Variants in LRRTM3 observed in about 807,000 individuals in gnomAD.
The protein encoded by LRRTM3 is leucine-rich repeat transmembrane neuronal protein 3.
LRRTM3 carries 24 observed loss-of-function variants against 44.7 expected under a neutral mutation model. The ratio of observed to expected loss-of-function variants is 0.54; its 90% CI spans 0.39 to 0.76. The LOEUF (loss-of-function observed/expected upper bound fraction) is 0.76. LRRTM3 is among the 30% of genes least tolerant of loss of function. LRRTM3 has a pLI of 0.00. For missense variants in LRRTM3, 587 were observed against 702.2 expected (o/e 0.84, Z 1.85); for synonymous variants, 277 against 278.7 (o/e 0.99, Z 0.06).
chr10:66,998,262 C>A (rs1213125781), intron 2 of LRRTM3, among the ~76,000 whole-genome samples: 5 of 152,090 alleles, frequency 3.3e-5, no homozygotes, highest in South Asian at 2.1e-4. Flanking sequence ...TAAGTGCCTC[C>A]TTACTCTATG....
chr10:67,004,556 T>C (rs1276411879), intron 2 of LRRTM3, among the ~76,000 whole-genome samples: 14 of 152,180 alleles, frequency 9.2e-5, no homozygotes, highest in Admixed American at 6.5e-4. Context: ...GCTTTTTTTT[T>C]CAGTGGAAAC....
intron 2 of LRRTM3, among the ~76,000 whole-genome samples, chr10:67,015,038 T>A (rs970744869): frequency 7.9e-5 from 12 of 152,094 alleles, no homozygotes; most frequent in Non-Finnish European, 2.9e-5. Flanking sequence ...ACAAGGGCAC[T>A]CCAAAGTTGA....
intron 2 of LRRTM3, among the ~76,000 whole-genome samples, chr10:67,034,069 G>C (rs907174023): frequency 6.6e-6 from 1 of 152,114 alleles, no homozygotes; most frequent in Non-Finnish European, 1.5e-5. Context: ...ACCGCGCCCG[G>C]CCTATACTGC....
intron 2 of LRRTM3, among the ~76,000 whole-genome samples, chr10:67,078,391 A>G (rs1259181972): frequency 6.6e-6 from 1 of 152,208 alleles, no homozygotes; most frequent in Non-Finnish European, 1.5e-5. Flanking sequence ...GGAAATGAGA[A>G]AGAAAATGAT....
intron 2 of LRRTM3, among the ~76,000 whole-genome samples, chr10:66,957,441 TGC>T (rs1317720443): frequency 1.5e-4 from 17 of 111,472 alleles, no homozygotes; most frequent in African/African-American, 4.7e-4. Flanking sequence ...TATATATATA[TGC>T]ATATATATAT....
intron 2 of LRRTM3, among the ~76,000 whole-genome samples, chr10:66,998,992 C>T (rs1027237927): frequency 6.6e-6 from 1 of 152,084 alleles, no homozygotes; most frequent in Non-Finnish European, 1.5e-5. Flanking sequence ...TCACTCAGAA[C>T]TTCTGTGCAT....
In LRRTM3 at chr10:66,926,453, A is replaced by C. The variant is rs1847078719; in HGVS notation, c.-131A>C. 1 of 989,936 alleles carries C rather than the reference A, an allele frequency of 1.0e-6. No individual in the cohort carries two copies. The highest frequency in any genetic ancestry group is 1.6e-6 in the Non-Finnish European group (1 of 637,640). The allele number at this position is 989,936 out of a possible 1,614,324, so 61.3% of individuals were successfully genotyped here. A position where few individuals can be genotyped will look rare whatever the true frequency, so the allele number is the denominator to read the frequency against. On this transcript the variant is annotated 5_prime_UTR_variant, in exon 1 of 3. Transcript: ENST00000361320. ...TGTTCCAAAATCGGTCCATCTCCCA[A>C]GGGGTCCAATTTTTCTTCCTGGGTG...
intron 2 of LRRTM3, among the ~76,000 whole-genome samples, chr10:66,978,552 A>AAATAAAAAAAAAATATATATATAT: frequency 1.1e-4 from 4 of 37,868 alleles, no homozygotes; most frequent in Admixed American, 4.9e-4. Flanking sequence ...AAAAAAAAAA[A>AAATAAAAAAAAAATATATATATAT]ATATATATAT....
At chr10:67,029,368 C>T (rs1796478482) in intron 2 of LRRTM3, among the ~76,000 whole-genome samples, 1 of 152,070 alleles carries the variant, frequency 6.6e-6, no homozygotes, top group Admixed American at 6.6e-5. Context: ...GGAGCTGGTT[C>T]AGAGCAGGTT....
chr10:66,941,960 G>A (rs1219078981), intron 2 of LRRTM3, among the ~76,000 whole-genome samples: 4 of 152,196 alleles, frequency 2.6e-5, no homozygotes, highest in Non-Finnish European at 5.9e-5. Context: ...ATTTCATGGT[G>A]TAGGAGGGAG....
At chr10:66,970,502 T>TGGGGGGGGG (rs11367465) in intron 2 of LRRTM3, among the ~76,000 whole-genome samples, 4 of 138,514 alleles carry the variant, frequency 2.9e-5, no homozygotes, top group Non-Finnish European at 3.2e-5. Context: ...TATTCTTGGG[T>TGGGGGGGGG]GGGGGGGGGA....
chr10:66,971,012 CCTTT>C (rs1175514230), intron 2 of LRRTM3, among the ~76,000 whole-genome samples: 1 of 151,980 alleles, frequency 6.6e-6, no homozygotes, highest in African/African-American at 2.4e-5. Context: ...AGTTTATTTG[CCTTT>C]CTATGAGTAT....
At chr10:67,078,335 AG>A (rs1330019823) in intron 2 of LRRTM3, among the ~76,000 whole-genome samples, 1 of 152,186 alleles carries the variant, frequency 6.6e-6, no homozygotes, top group Non-Finnish European at 1.5e-5. Context: ...AAAGCCCTAA[AG>A]CACAATTGCT....
At chr10:67,046,481 A>G (rs1387100972) in intron 2 of LRRTM3, among the ~76,000 whole-genome samples, 1 of 152,186 alleles carries the variant, frequency 6.6e-6, no homozygotes, top group Non-Finnish European at 1.5e-5. Flanking sequence ...CATTGCCACG[A>G]TATCTTCCTA....
intron 2 of LRRTM3, among the ~76,000 whole-genome samples, chr10:66,935,197 C>A (rs1418065560): frequency 6.6e-6 from 1 of 152,066 alleles, no homozygotes; most frequent in East Asian, 1.9e-4. Context: ...CTCACAAGAG[C>A]TTTAAAGGAA....
At chr10:66,978,266 C>T (rs1363644229) in intron 2 of LRRTM3, among the ~76,000 whole-genome samples, 1 of 151,946 alleles carries the variant, frequency 6.6e-6, no homozygotes, top group East Asian at 1.9e-4. Flanking sequence ...TGGCTCACAC[C>T]TGTAATCCCA....
chr10:66,953,230 C>T (rs1424105538), intron 2 of LRRTM3, among the ~76,000 whole-genome samples: 1 of 152,134 alleles, frequency 6.6e-6, no homozygotes, highest in Non-Finnish European at 1.5e-5. Context: ...ACAAATCAAT[C>T]CAGCATATCA....
intron 2 of LRRTM3, among the ~76,000 whole-genome samples, chr10:66,938,500 C>T (rs182182082): frequency 2.3e-4 from 35 of 152,008 alleles, no homozygotes; most frequent in Admixed American, 1.2e-3. Flanking sequence ...ATTCATTAAG[C>T]GAAATGGATA....
At chr10:66,980,643 C>T (rs1008735047) in intron 2 of LRRTM3, among the ~76,000 whole-genome samples, 3 of 152,098 alleles carry the variant, frequency 2.0e-5, no homozygotes, top group African/African-American at 4.8e-5. Flanking sequence ...CTTGCAAGCC[C>T]GCAATTCTGT....
Sources: allele counts gnomAD v4.1 joint callset (sites outside exome capture counted in the v4.1 genomes callset), GRCh38; gene constraint gnomAD v4.1.1; transcripts MANE v1.5; gene names NCBI Gene and HGNC (gene_info 2026-07-23, HGNC 2026-07-21).